The following TEX26 variants were observed in gnomAD, a reference collection of about 807,000 sequenced individuals.
The protein encoded by TEX26 is testis expressed 26.
TEX26 carries 34 observed loss-of-function variants against 35.3 expected under a neutral mutation model. The ratio of observed to expected loss-of-function variants is 0.96; its 90% CI spans 0.73 to 1.28. The LOEUF (loss-of-function observed/expected upper bound fraction) is 1.28, where lower values mean the gene tolerates loss of function less well. Among genes scored for constraint, TEX26 ranks in the 50% most tolerant of loss-of-function variants. The probability of loss-of-function intolerance (pLI) is 0.00; values close to 1 mark genes in which losing one functional copy is unlikely to be tolerated. For synonymous variants in TEX26, 136 were observed against 111.8 expected (o/e 1.22, Z -1.36); for missense variants, 371 against 330.1 (o/e 1.12, Z -0.96).
chr13:30,970,775 G>A (rs902605330), intron 6 of TEX26, among the ~76,000 whole-genome samples: 13 of 152,110 alleles, frequency 8.5e-5, no homozygotes, highest in African/African-American at 2.4e-4. Flanking sequence ...CCTTAGTGGC[G>A]CCCCTGAGGG....
intron 1 of TEX26, among the ~76,000 whole-genome samples, chr13:30,938,643 T>C (rs1193029052): frequency 1.3e-5 from 2 of 152,172 alleles, no homozygotes; most frequent in African/African-American, 2.4e-5. Flanking sequence ...GGGATTAAGT[T>C]CCCAATACAC....
chr13:30,955,846 A>G (rs1034719977), intron 3 of TEX26, among the ~76,000 whole-genome samples: 1 of 152,068 alleles, frequency 6.6e-6, no homozygotes, highest in African/African-American at 2.4e-5. Context: ...CCGTCACAGC[A>G]TGTGTGAGTG....
At chr13:30,945,312 C>A (rs766785466) in intron 2 of TEX26, among the ~76,000 whole-genome samples, 14 of 151,726 alleles carry the variant, frequency 9.2e-5, no homozygotes, top group Non-Finnish European at 1.8e-4. Flanking sequence ...CTTTTTCCAC[C>A]CTTTTTCCTT....
rs1555270830 is a variant in TEX26, at chr13:30,966,412, C to A, written c.646+14C>A. 10 of 1,512,672 alleles carry A rather than the reference C, an allele frequency of 6.6e-6. No individual in the cohort carries two copies. Among genetic ancestry groups the A allele is most frequent in the Middle Eastern group, 1.8e-4 (1 of 5,690 alleles). The allele number at this position is 1,512,672 out of a possible 1,614,324, so 93.7% of individuals were successfully genotyped here. On this transcript the variant is annotated intron_variant, in intron 5 of 6. Transcript: ENST00000380473. ...CTCAGGGTCTAGGTGAGTACAGCTGCAGTTTCTTTTTCTTTTTCTCTTTTT... is the reference window on the plus strand; with the variant it reads ...CTCAGGGTCTAGGTGAGTACAGCTGAAGTTTCTTTTTCTTTTTCTCTTTTT...
At chr13:30,938,990 G>T (rs551948792) in intron 1 of TEX26, among the ~76,000 whole-genome samples, 5 of 152,248 alleles carry the variant, frequency 3.3e-5, no homozygotes, top group Admixed American at 6.5e-5. Flanking sequence ...ACCATTACAA[G>T]ACATGAATTA....
chr13:30,968,763 G>A (rs761716662), intron 5 of TEX26, 122 bp from the exon 6 acceptor site: 1 of 853,608 alleles, frequency 1.2e-6, no homozygotes, highest in South Asian at 1.9e-5. Flanking sequence ...GCATCATGAA[G>A]GATGCTGCCT....
At chr13:30,949,468 A>C (rs1265730413) in intron 2 of TEX26, among the ~76,000 whole-genome samples, 1 of 152,108 alleles carries the variant, frequency 6.6e-6, no homozygotes, top group Admixed American at 6.6e-5. Context: ...CTATACTTTC[A>C]ATCCAAATAA....
intron 4 of TEX26, among the ~76,000 whole-genome samples, chr13:30,962,989 AT>A (rs540943274): frequency 8.2e-4 from 118 of 144,104 alleles, no homozygotes; most frequent in South Asian, 1.6e-3. Flanking sequence ...TGCCCAGCTA[AT>A]TTTTTTTTTT....
intron 2 of TEX26, among the ~76,000 whole-genome samples, chr13:30,949,676 G>A (rs906196922): frequency 6.6e-6 from 1 of 151,846 alleles, no homozygotes; most frequent in Non-Finnish European, 1.5e-5. Flanking sequence ...GCAATAAAAT[G>A]TGTAGCTAAA....
At chr13:30,952,608 T>G in intron 2 of TEX26, 52 bp from the exon 3 acceptor site, 10 of 1,444,496 alleles carry the variant, frequency 6.9e-6, no homozygotes, top group Middle Eastern at 2.3e-4. Context: ...TGTACTTTTG[T>G]GAGATTTGGT....
Position 30,939,707 on chromosome 13 carries a change from C to A in TEX26, c.75C>A (p.Asn25Lys), listed in dbSNP as rs150916051. 3.1e-6 allele frequency: 5 copies of A among 1,613,908 alleles called. No individual in the cohort carries two copies. In the African/African-American group the frequency reaches 6.7e-5, roughly 22 times the overall value. The change falls in exon 2 of 7, where the codon AAC (asparagine) becomes AAA (lysine). Residue 25 changes from asparagine (N) to lysine (K), a missense_variant. Physicochemically the swap from Asn to Lys is moderately conservative, Grantham distance 94. Transcript: ENST00000380473. Reference sequence around the variant, plus strand: ...TTGTACTTTTAGCAGATGACCCCAACTGGGATTCCTATGCTACCACTATGA... The same window carrying A: ...TTGTACTTTTAGCAGATGACCCCAAATGGGATTCCTATGCTACCACTATGA... ...HHNLQPTDDP[N>K]WDSYATTMRT...
At chr13:30,935,575 T>G (rs1222949783) in intron 1 of TEX26, among the ~76,000 whole-genome samples, 1 of 152,218 alleles carries the variant, frequency 6.6e-6, no homozygotes, top group Admixed American at 6.5e-5. Flanking sequence ...GGCAACTAGC[T>G]GCAGAAAGGA....
intron 4 of TEX26, among the ~76,000 whole-genome samples, chr13:30,965,294 G>T (rs571506232): frequency 1.3e-5 from 2 of 152,214 alleles, no homozygotes; most frequent in South Asian, 4.1e-4. Flanking sequence ...TGTATCCTTT[G>T]ATATAAAACG....
intron 2 of TEX26, among the ~76,000 whole-genome samples, chr13:30,940,565 C>T (rs968947952): frequency 6.6e-6 from 1 of 151,896 alleles, no homozygotes; most frequent in African/African-American, 2.4e-5. Context: ...GATCTCCTGA[C>T]CTTGTGATCC....
intron 1 of TEX26, chr13:30,936,790 A>G (rs1953289021): frequency 2.0e-6 from 2 of 985,466 alleles, no homozygotes; most frequent in South Asian, 4.7e-5. Context: ...ATCACAGGAA[A>G]GATGGATATG....
intron 3 of TEX26, among the ~76,000 whole-genome samples, chr13:30,956,615 T>C (rs1954141137): frequency 6.6e-6 from 1 of 152,236 alleles, no homozygotes; most frequent in Non-Finnish European, 1.5e-5. Flanking sequence ...AGGAGACTTC[T>C]GGTTGGAAGC....
intron 1 of TEX26, among the ~76,000 whole-genome samples, chr13:30,936,509 A>G (rs542257045): frequency 1.3e-5 from 2 of 152,336 alleles, no homozygotes; most frequent in South Asian, 2.1e-4. Flanking sequence ...CTATGCTATG[A>G]TGACCCCTGG....
chr13:30,952,745 T>A lies in TEX26; in HGVS notation c.232T>A (p.Trp78Arg). ...GACACAATATAGTGATGAGTACACTTGGAAATCACACTCTAAAGAAGATTT... is the reference window on the plus strand; with the variant it reads ...GACACAATATAGTGATGAGTACACTAGGAAATCACACTCTAAAGAAGATTT... ...NQTQYSDEYT[W>R]KSHSKEDLIK... The change falls in exon 3 of 7, where the codon TGG (tryptophan) becomes AGG (arginine). Residue 78 changes from tryptophan to arginine, a missense_variant. Coordinates refer to ENST00000380473, the MANE Select transcript of TEX26 (RefSeq NM_152325.3). 6.2e-7 allele frequency: 1 copy of A among 1,613,180 alleles called. No individual in the cohort carries two copies.
intron 2 of TEX26, among the ~76,000 whole-genome samples, chr13:30,951,438 T>C (rs1321073827): frequency 2.0e-5 from 3 of 152,116 alleles, no homozygotes; most frequent in Non-Finnish European, 2.9e-5. Flanking sequence ...AATAGAATGA[T>C]CATCCAGATG....
Sources: gnomAD v4.1 joint callset for allele counts (sites outside exome capture counted in the v4.1 genomes callset) on GRCh38, gnomAD v4.1.1 for gene constraint, MANE v1.5 for transcripts, NCBI Gene and HGNC (gene_info 2026-07-23, HGNC 2026-07-21) for gene names.